The following DOK5 variants were observed in gnomAD, a reference collection of about 807,000 sequenced individuals.
DOK5 encodes the protein downstream of tyrosine kinase 5.
DOK5 carries 27 observed loss-of-function variants against 43.3 expected under a neutral mutation model. The observed-to-expected ratio is 0.62, with a 90% CI of 0.46 to 0.86. The LOEUF is 0.86. Ranked by LOEUF, DOK5 falls within the 40% of genes least tolerant of loss-of-function variation. The pLI, the probability that DOK5 is intolerant of heterozygous loss-of-function variation, is 0.00. For missense variants in DOK5, 373 were observed against 392.9 expected, an observed-to-expected ratio of 0.95 and a Z score of 0.43; for synonymous variants, 146 against 140.1, an observed-to-expected ratio of 1.04 and a Z score of -0.30.
At chr20:54,638,870 C>T (rs1000545242) in intron 6 of DOK5, among the ~76,000 whole-genome samples, 5 of 150,458 alleles carry the variant, frequency 3.3e-5, no homozygotes, top group South Asian at 2.1e-4. Context: ...TTAGTAGAGA[C>T]GGAGTTTCAA....
At chr20:54,530,755 T>G (rs1315460619) in intron 1 of DOK5, among the ~76,000 whole-genome samples, 1 of 152,146 alleles carries the variant, frequency 6.6e-6, no homozygotes, top group African/African-American at 2.4e-5. Context: ...TATTAATCTG[T>G]CTTTTTTGAG....
chr20:54,608,288 C>T (rs1280215441), intron 5 of DOK5, among the ~76,000 whole-genome samples: 1 of 152,070 alleles, frequency 6.6e-6, no homozygotes, highest in Admixed American at 6.6e-5. Context: ...GACCTCTGCC[C>T]CAGGGGAAAC....
chr20:54,531,747 T>G (rs372573862), intron 1 of DOK5, among the ~76,000 whole-genome samples: 2 of 152,336 alleles, frequency 1.3e-5, no homozygotes, highest in South Asian at 2.1e-4. Flanking sequence ...GCTCTACTGA[T>G]GTTATGTATT....
intron 1 of DOK5, among the ~76,000 whole-genome samples, chr20:54,487,349 C>T (rs1326612447): frequency 6.6e-6 from 1 of 152,024 alleles, no homozygotes; most frequent in Admixed American, 6.6e-5. Context: ...CACTGATTAA[C>T]TTTATATTAT....
intron 7 of DOK5, among the ~76,000 whole-genome samples, chr20:54,644,277 A>G (rs1448519193): frequency 6.6e-6 from 1 of 152,242 alleles, no homozygotes; most frequent in African/African-American, 2.4e-5. Flanking sequence ...CAATGAAAAA[A>G]TCTGCTTAAA....
chr20:54,639,090 C>T lies in DOK5; in HGVS notation c.736-4368C>T, dbSNP rs375497163. The stretch of plus-strand genomic sequence containing the variant: ...AGCAATTTTTTCTAAGAAAGGGAAG[C>T]CCAGATTAGAAGGAGTGAAATTGTA... On this transcript the variant is annotated intron_variant, in intron 6 of 7. Coordinates refer to ENST00000262593, the MANE Select transcript of DOK5 (RefSeq NM_018431.5). 3.3e-5 allele frequency among the ~76,000 whole-genome samples: 5 copies of T among 152,258 alleles called. No individual in the cohort carries two copies. The East Asian group carries it at 5.8e-4, about 18-fold the overall frequency.
chr20:54,596,966 ACT>A (rs1986160348), intron 5 of DOK5, among the ~76,000 whole-genome samples: 1 of 151,900 alleles, frequency 6.6e-6, no homozygotes, highest in Admixed American at 6.6e-5. Context: ...ATATATTACT[ACT>A]CTCTGCTGTC....
At chr20:54,590,194 T>G (rs933238684) in intron 4 of DOK5, among the ~76,000 whole-genome samples, 1 of 152,216 alleles carries the variant, frequency 6.6e-6, no homozygotes, top group Non-Finnish European at 1.5e-5. Flanking sequence ...AGCAGCTTTC[T>G]GTGCCTCAGT....
At chr20:54,648,127 T>C (rs1221509806) in intron 7 of DOK5, among the ~76,000 whole-genome samples, 1 of 152,162 alleles carries the variant, frequency 6.6e-6, no homozygotes, top group African/African-American at 2.4e-5. Context: ...TATTAATGGG[T>C]CCAAGACTAC....
At chr20:54,577,549 G>A (rs6023371) in intron 2 of DOK5, among the ~76,000 whole-genome samples, 23 of 152,326 alleles carry the variant, frequency 1.5e-4, no homozygotes, top group African/African-American at 5.1e-4. Context: ...AAGCAATATT[G>A]TTACACAATG....
chr20:54,598,247 A>T (rs1264988377), intron 5 of DOK5, among the ~76,000 whole-genome samples: 2 of 152,210 alleles, frequency 1.3e-5, no homozygotes, highest in Admixed American at 6.5e-5. Flanking sequence ...TTGCACAATT[A>T]ATTACCCTTG....
At chr20:54,511,488 T>C (rs1983014769) in intron 1 of DOK5, among the ~76,000 whole-genome samples, 1 of 152,248 alleles carries the variant, frequency 6.6e-6, no homozygotes, top group Admixed American at 6.5e-5. Context: ...AATGTGTTTC[T>C]AGTATGCTAG....
At chr20:54,565,145 A>G (rs934843476) in intron 2 of DOK5, among the ~76,000 whole-genome samples, 1 of 151,870 alleles carries the variant, frequency 6.6e-6, no homozygotes, top group African/African-American at 2.4e-5. Context: ...ACATTCCAAG[A>G]CCCCCAGTGG....
intron 5 of DOK5, among the ~76,000 whole-genome samples, chr20:54,608,298 C>T (rs1986535620): frequency 6.6e-6 from 1 of 152,186 alleles, no homozygotes; most frequent in African/African-American, 2.4e-5. Flanking sequence ...CCAGGGGAAA[C>T]CAGTGGCCAC....
intron 1 of DOK5, among the ~76,000 whole-genome samples, chr20:54,553,019 G>T (rs1046306290): frequency 6.6e-6 from 1 of 152,086 alleles, no homozygotes; most frequent in African/African-American, 2.4e-5. Flanking sequence ...TTAGCTCAGA[G>T]GTTCTTAAAC....
chr20:54,622,165 C>T (rs910162118), intron 6 of DOK5, among the ~76,000 whole-genome samples: 5 of 151,346 alleles, frequency 3.3e-5, no homozygotes, highest in Non-Finnish European at 7.4e-5. Context: ...TGAACTCCAG[C>T]CTGGCAACAG....
chr20:54,488,136 C>T lies in DOK5; in HGVS notation c.66+12124C>T, dbSNP rs1048311706. On this transcript the variant is annotated intron_variant, in intron 1 of 7. Coordinates refer to ENST00000262593, the MANE Select transcript of DOK5 (RefSeq NM_018431.5). ...ATATGTTGGCTAATCTGTGTAAGAG[C>T]CACTTTTTGAGTCTGGGTTCCATTC... Among the ~76,000 whole-genome samples the T allele has an allele frequency of 2.0e-5, 3 of 152,338 alleles. No individual in the cohort carries two copies. In the East Asian group the frequency reaches 5.8e-4, roughly 29 times the overall value.
At chr20:54,502,335 T>C (rs1982639825) in intron 1 of DOK5, among the ~76,000 whole-genome samples, 1 of 152,226 alleles carries the variant, frequency 6.6e-6, no homozygotes, top group Non-Finnish European at 1.5e-5. Flanking sequence ...AGGAGATAAC[T>C]GGTGAATCAG....
chr20:54,529,587 G>T (rs1380119697), intron 1 of DOK5, among the ~76,000 whole-genome samples: 1 of 151,236 alleles, frequency 6.6e-6, no homozygotes, highest in African/African-American at 2.4e-5. Context: ...TATACCATAA[G>T]ATTCATCCTT....
Sources: gnomAD v4.1 joint callset for allele counts (sites outside exome capture counted in the v4.1 genomes callset) on GRCh38, gnomAD v4.1.1 for gene constraint, MANE v1.5 for transcripts, NCBI Gene and HGNC (gene_info 2026-07-23, HGNC 2026-07-21) for gene names.